The following PCDH15 variants were observed in gnomAD, a reference collection of about 807,000 sequenced individuals.
PCDH15 encodes the protein protocadherin-15.
Under a neutral mutation model 178.5 loss-of-function variants are expected in PCDH15, and 129 were observed. The observed-to-expected ratio is 0.72, with a 90% CI of 0.63 to 0.84. The LOEUF (loss-of-function observed/expected upper bound fraction) is 0.84, where lower values mean the gene tolerates loss of function less well. Ranked by LOEUF, PCDH15 falls within the 40% of genes least tolerant of loss-of-function variation. PCDH15 has a pLI of 0.00. For synonymous variants in PCDH15, 800 were observed against 732.0 expected, an observed-to-expected ratio of 1.09 and a Z score of -1.50; for missense variants, 2,230 against 2,099.9, an observed-to-expected ratio of 1.06 and a Z score of -1.21.
At chr10:54,904,224 G>A (rs1453305368) in intron 2 of PCDH15, among the ~76,000 whole-genome samples, 2 of 151,934 alleles carry the variant, frequency 1.3e-5, no homozygotes, top group South Asian at 2.1e-4. Flanking sequence ...TGCTGTGGAA[G>A]TATAATTAAT....
intron 28 of PCDH15, among the ~76,000 whole-genome samples, chr10:53,852,321 G>A (rs1407031335): frequency 1.3e-5 from 2 of 151,990 alleles, no homozygotes; most frequent in African/African-American, 2.4e-5. Context: ...TTACAAAGAG[G>A]TGAATTCTAA....
intron 2 of PCDH15, among the ~76,000 whole-genome samples, chr10:55,541,514 G>A (rs911883179): frequency 2.0e-5 from 3 of 151,748 alleles, no homozygotes; most frequent in Non-Finnish European, 4.4e-5. Context: ...ACCCTCTAAT[G>A]ATTGTATACA....
intron 25 of PCDH15, among the ~76,000 whole-genome samples, chr10:53,933,118 C>G (rs1052306698): frequency 6.6e-6 from 1 of 151,884 alleles, no homozygotes; most frequent in Non-Finnish European, 1.5e-5. Flanking sequence ...AACCATGAGC[C>G]AATTAAACCT....
At chr10:55,601,872 C>A (rs1292623978) in intron 2 of PCDH15, among the ~76,000 whole-genome samples, 2 of 151,986 alleles carry the variant, frequency 1.3e-5, no homozygotes, top group Non-Finnish European at 2.9e-5. Context: ...AATACACACA[C>A]ACGGGGGGAG....
At position 54,089,965 on chromosome 10, in the gene PCDH15, G is replaced by T. The variant is rs1565229607; in HGVS notation, c.1997+19C>A. ...GTTGCTGTACATTTTTTTAAAGTAG[G>T]AAATCATTTTTAACTTACGTTTCTG... On this transcript the variant is annotated intron_variant, in intron 16 of 37. Transcript: ENST00000644397. The T allele has an allele frequency of 1.3e-6, 2 of 1,576,306 alleles. No homozygotes were observed.
intron 1 of PCDH15, among the ~76,000 whole-genome samples, chr10:55,188,221 AATTT>A (rs1445545847): frequency 4.6e-5 from 7 of 151,926 alleles, no homozygotes; most frequent in Non-Finnish European, 7.4e-5. Flanking sequence ...TGTTACAGAT[AATTT>A]ATTTATTTCT....
chr10:54,093,125 G>A (rs533855265), intron 15 of PCDH15, among the ~76,000 whole-genome samples: 2 of 151,978 alleles, frequency 1.3e-5, no homozygotes, highest in Non-Finnish European at 2.9e-5. Context: ...CAATCCCAGA[G>A]GTAGCTTGAA....
chr10:54,392,337 G>A (rs998419479), intron 3 of PCDH15, among the ~76,000 whole-genome samples: 2 of 150,808 alleles, frequency 1.3e-5, no homozygotes, highest in African/African-American at 4.9e-5. Context: ...ATGGTGGTGG[G>A]CGCCTGTGAT....
intron 2 of PCDH15, among the ~76,000 whole-genome samples, chr10:54,939,911 C>T (rs373547124): frequency 2.9e-4 from 44 of 152,144 alleles, no homozygotes; most frequent in African/African-American, 1.0e-3. Flanking sequence ...TCCAAACAAC[C>T]CAGCTCTTAA....
At chr10:54,404,656 T>TGTACAAC (rs1952393989) in intron 3 of PCDH15, among the ~76,000 whole-genome samples, 1 of 152,070 alleles carries the variant, frequency 6.6e-6, no homozygotes, top group South Asian at 2.1e-4. Flanking sequence ...AAACGGGATC[T>TGTACAAC]AATTAAGCTA....
Position 55,343,686 on chromosome 10 carries a change from G to A in PCDH15, c.-155-177035C>T, listed in dbSNP as rs114255390. On this transcript the variant is annotated intron_variant, in intron 2 of 5. Transcript: ENST00000613346. ...TAAATAATATGTGTATTGACTGGTG[G>A]TGTAGCTTGTATCCAACTCTGATCA... Among the ~76,000 whole-genome samples the A allele has an allele frequency of 5.6e-3, 847 of 152,046 alleles. 10 individuals carry two copies. Among genetic ancestry groups the A allele is most frequent in the African/African-American group, 0.019 (808 of 41,468 alleles).
At chr10:54,335,292 A>G (rs1349058748) in intron 6 of PCDH15, among the ~76,000 whole-genome samples, 1 of 152,206 alleles carries the variant, frequency 6.6e-6, no homozygotes, top group Non-Finnish European at 1.5e-5. Flanking sequence ...TGGACTCCCT[A>G]TGACTAACTG....
At chr10:54,010,131 G>T (rs1589891496) in intron 20 of PCDH15, among the ~76,000 whole-genome samples, 1 of 151,960 alleles carries the variant, frequency 6.6e-6, no homozygotes, top group East Asian at 1.9e-4. Flanking sequence ...CCCAGAGGGA[G>T]AGGCTGGCTG....
chr10:54,472,281 G>A (rs1274381375), intron 3 of PCDH15, among the ~76,000 whole-genome samples: 1 of 133,286 alleles, frequency 7.5e-6, no homozygotes, highest in African/African-American at 3.1e-5. Context: ...TGTTCCAAAT[G>A]TTATGCAAAA....
intron 5 of PCDH15, among the ~76,000 whole-genome samples, chr10:54,363,040 G>A (rs1052355491): frequency 6.6e-6 from 1 of 151,948 alleles, no homozygotes; most frequent in East Asian, 1.9e-4. Context: ...GAACATCAGC[G>A]TAGAAATATA....
At chr10:54,809,420 G>A (rs903054844) in intron 3 of PCDH15, among the ~76,000 whole-genome samples, 6 of 151,576 alleles carry the variant, frequency 4.0e-5, no homozygotes, top group South Asian at 2.1e-4. Context: ...AAATGAGACC[G>A]TTTAAATGCT....
At chr10:54,443,210 A>G (rs1457261333) in intron 3 of PCDH15, among the ~76,000 whole-genome samples, 2 of 151,604 alleles carry the variant, frequency 1.3e-5, no homozygotes, top group Non-Finnish European at 3.0e-5. Context: ...TACACCATCT[A>G]ATCATGAGAT....
chr10:55,556,968 T>C (rs1157100354), intron 2 of PCDH15, among the ~76,000 whole-genome samples: 2 of 152,184 alleles, frequency 1.3e-5, no homozygotes, highest in Admixed American at 6.5e-5. Flanking sequence ...GTTTGACCAA[T>C]TGGCAGAGGG....
At chr10:55,574,414 C>A (rs1308328002) in intron 2 of PCDH15, among the ~76,000 whole-genome samples, 1 of 152,004 alleles carries the variant, frequency 6.6e-6, no homozygotes, top group Non-Finnish European at 1.5e-5. Flanking sequence ...CCTCTTAGAG[C>A]CTTCCTTTCA....
Sources: gnomAD v4.1 joint callset for allele counts (sites outside exome capture counted in the v4.1 genomes callset) on GRCh38, gnomAD v4.1.1 for gene constraint, MANE v1.5 for transcripts, NCBI Gene and HGNC (gene_info 2026-07-23, HGNC 2026-07-21) for gene names.